Variants in SHISA9 observed in about 807,000 individuals in gnomAD.
SHISA9 encodes the protein protein shisa-9.
In SHISA9, 13 loss-of-function variants were observed where a neutral mutation model predicts 38.0. The ratio of observed to expected loss-of-function variants is 0.34; its 90% CI spans 0.22 to 0.54. SHISA9 has a LOEUF of 0.54. Ranked by LOEUF, SHISA9 falls within the 20% of genes least tolerant of loss-of-function variation. The probability of loss-of-function intolerance (pLI) is 0.91; values close to 1 mark genes in which losing one functional copy is unlikely to be tolerated. For missense variants in SHISA9, 538 were observed against 575.8 expected, an observed-to-expected ratio of 0.93 and a Z score of 0.67; for synonymous variants, 275 against 242.0, an observed-to-expected ratio of 1.14 and a Z score of -1.27.
chr16:13,040,628 T>A, intron 2 of SHISA9, among the ~76,000 whole-genome samples: 1 of 152,194 alleles, frequency 6.6e-6, no homozygotes, highest in Admixed American at 6.5e-5. Context: ...CTCATCTACT[T>A]TTCCCCCTTG....
At chr16:13,221,438 CT>C (rs72459669) in intron 4 of SHISA9, among the ~76,000 whole-genome samples, 5,457 of 134,936 alleles carry the variant, frequency 0.04, 117 homozygotes, top group African/African-American at 0.048. Flanking sequence ...AATACCTGGA[CT>C]TTTTTTTTTT....
chr16:13,362,730 C>T, the SHISA9 span, among the ~76,000 whole-genome samples: 1 of 152,180 alleles, frequency 6.6e-6, no homozygotes, highest in African/African-American at 2.4e-5. Flanking sequence ...TCTCACATTC[C>T]TGATTTTATT....
At chr16:13,539,323 CAGGATCTT>C in the SHISA9 span, among the ~76,000 whole-genome samples, 117 of 72,078 alleles carry the variant, frequency 1.6e-3, 27 homozygotes, top group East Asian at 0.051. Context: ...TATATAAAGA[CAGGATCTT>C]TATATATATA....
chr16:13,116,192 A>G (rs978992858), intron 2 of SHISA9, among the ~76,000 whole-genome samples: 1 of 152,104 alleles, frequency 6.6e-6, no homozygotes, highest in African/African-American at 2.4e-5. Flanking sequence ...GATGCCTGGG[A>G]TACATCATAC....
intron 2 of SHISA9, among the ~76,000 whole-genome samples, chr16:13,160,346 G>A (rs940177300): frequency 6.6e-6 from 1 of 152,186 alleles, no homozygotes. Context: ...AGTCAGACCT[G>A]TGCCTTCTAC....
intron 2 of SHISA9, among the ~76,000 whole-genome samples, chr16:13,201,357 T>C (rs2051004598): frequency 7.3e-6 from 1 of 136,428 alleles, no homozygotes; most frequent in Non-Finnish European, 1.6e-5. Flanking sequence ...CTAGATTACT[T>C]ATAATACTAG....
At chr16:13,019,765 TTTCTTTCTTTC>T (rs2072802169) in intron 2 of SHISA9, among the ~76,000 whole-genome samples, 1 of 19,122 alleles carries the variant, frequency 5.2e-5, no homozygotes, top group African/African-American at 2.3e-4. Context: ...TTTTCTTTCT[TTTCTTTCTTTC>T]TTTCTTTCTT....
chr16:13,086,773 C>T (rs193084044), intron 2 of SHISA9, among the ~76,000 whole-genome samples: 118 of 152,258 alleles, frequency 7.7e-4, no homozygotes, highest in African/African-American at 2.6e-3. Flanking sequence ...GATTCTAATA[C>T]ATTATAAGGA....
intron 2 of SHISA9, among the ~76,000 whole-genome samples, chr16:13,079,751 A>T (rs2073626001): frequency 2.0e-5 from 3 of 152,194 alleles, no homozygotes; most frequent in African/African-American, 7.2e-5. Context: ...CCTTGACAAA[A>T]ATTCTATTGT....
rs2072750277 is a variant in SHISA9, at chr16:13,015,974, C to T, written c.691+99159C>T. Among the ~76,000 whole-genome samples, 3 of 49,840 alleles carry T rather than the reference C, an allele frequency of 6.0e-5. 1 individual carries two copies. Among genetic ancestry groups the T allele is most frequent in the African/African-American group, 2.0e-4 (3 of 14,736 alleles). 32.7% of individuals were successfully genotyped at this position (49,840 alleles called of 152,430 possible). A position where few individuals can be genotyped will look rare whatever the true frequency, so the allele number is the denominator to read the frequency against. On this transcript the variant is annotated intron_variant, in intron 2 of 4. Coordinates refer to ENST00000558583, the MANE Select transcript of SHISA9 (RefSeq NM_001145204.3). ...CTTTTCCCTTCCCTTCCCTTCCCTT[C>T]CCTTCCCTTCCCTTCTTTTCTTTTC... is the stretch of plus-strand genomic sequence containing the variant.
chr16:13,407,321 C>T, the SHISA9 span, among the ~76,000 whole-genome samples: 1 of 152,084 alleles, frequency 6.6e-6, no homozygotes, highest in Non-Finnish European at 1.5e-5. Context: ...CAGCGCTGGT[C>T]TCTCTCCTGC....
the SHISA9 span, among the ~76,000 whole-genome samples, chr16:13,264,990 C>G: frequency 2.1e-5 from 3 of 146,024 alleles, no homozygotes; most frequent in Non-Finnish European, 4.5e-5. Flanking sequence ...TCTTTTCCTC[C>G]TCTTCCCTTC....
At chr16:13,492,849 G>A in the SHISA9 span, among the ~76,000 whole-genome samples, 3 of 152,186 alleles carry the variant, frequency 2.0e-5, no homozygotes, top group Admixed American at 1.3e-4. Context: ...TGAATATGAA[G>A]AAAGAGCATT....
At chr16:12,920,880 C>T (rs1219920264) in intron 2 of SHISA9, among the ~76,000 whole-genome samples, 2 of 152,306 alleles carry the variant, frequency 1.3e-5, no homozygotes, top group East Asian at 3.9e-4. Context: ...TTTAATAGAG[C>T]ACACTTTGAT....
chr16:13,367,905 TTTTA>T, the SHISA9 span, among the ~76,000 whole-genome samples: 4 of 151,836 alleles, frequency 2.6e-5, no homozygotes, highest in African/African-American at 4.8e-5. Flanking sequence ...TTTAATTTTA[TTTTA>T]TTTATTATTA....
chr16:13,046,547 A>G (rs2073190498), intron 2 of SHISA9, among the ~76,000 whole-genome samples: 1 of 152,184 alleles, frequency 6.6e-6, no homozygotes, highest in Admixed American at 6.5e-5. Context: ...TTATTGAGAG[A>G]ATCAATATTC....
chr16:13,167,290 T>C (rs1199072660), intron 2 of SHISA9, among the ~76,000 whole-genome samples: 9 of 152,124 alleles, frequency 5.9e-5, no homozygotes, highest in Non-Finnish European at 4.4e-5. Context: ...CAGGTTGGTA[T>C]TGAACTCCCG....
the SHISA9 span, among the ~76,000 whole-genome samples, chr16:13,493,159 G>T: frequency 6.6e-6 from 1 of 151,988 alleles, no homozygotes; most frequent in African/African-American, 2.4e-5. Context: ...GGATGAATGA[G>T]CTGAGATAAT....
rs1375622454 is a variant in SHISA9 at position 13,129,066 on chromosome 16, A to G, written c.692-74328A>G. On this transcript the variant is annotated intron_variant, in intron 2 of 4. Transcript: ENST00000558583. ...CCTTAACTTGCCAATATTTTTGTCT[A>G]CAAATGTTATCTGAGCATCTTCTTT... 3.9e-5 allele frequency among the ~76,000 whole-genome samples: 6 copies of G among 152,288 alleles called. No homozygotes were observed. In the East Asian group the frequency reaches 5.8e-4, roughly 15 times the overall value.
Sources: allele counts gnomAD v4.1 joint callset (sites outside exome capture counted in the v4.1 genomes callset), GRCh38; gene constraint gnomAD v4.1.1; transcripts MANE v1.5; gene names NCBI Gene and HGNC (gene_info 2026-07-23, HGNC 2026-07-21).